PRKCB: variants seen among roughly 807,000 people sequenced by gnomAD.
The protein encoded by PRKCB is protein kinase C beta type.
A neutral mutation model predicts 81.5 loss-of-function variants in PRKCB; 13 were observed. The observed-to-expected ratio is 0.16, with a 90% CI of 0.10 to 0.25. The LOEUF is 0.25. Ranked by LOEUF, PRKCB falls within the 10% of genes least tolerant of loss-of-function variation. PRKCB has a pLI of 1.00. For synonymous variants in PRKCB, 335 were observed against 321.4 expected (o/e 1.04, Z -0.45); for missense variants, 509 against 875.7 (o/e 0.58, Z 5.29).
Position 24,060,932 on chromosome 16 carries a change from A to G in PRKCB, c.529+25385A>G, listed in dbSNP as rs76618036. 8.0e-3 allele frequency among the ~76,000 whole-genome samples: 1,211 copies of G among 152,258 alleles called. 21 individuals are homozygous for G. The highest frequency in any genetic ancestry group is 0.027 in the African/African-American group (1,133 of 41,556). On this transcript the variant is annotated intron_variant, in intron 5 of 16. Transcript: ENST00000643927. ...GATCAGTCTTTTTTCAGGGAACCCG[A>G]CTTAAGATGCCTTGTTTAATGTTTG...
intron 2 of PRKCB, among the ~76,000 whole-genome samples, chr16:23,847,364 CTATCTATCTATCTGTCCATCT>C (rs1962390027): frequency 9.0e-4 from 8 of 8,896 alleles, no homozygotes; most frequent in South Asian, 6.8e-3. Flanking sequence ...ATCTATCTAT[CTATCTATCTATCTGTCCATCT>C]ATCTATCTAT....
intron 9 of PRKCB, among the ~76,000 whole-genome samples, chr16:24,129,518 TGCA>T (rs1966849980): frequency 7.4e-6 from 1 of 135,152 alleles, no homozygotes; most frequent in African/African-American, 2.9e-5. Flanking sequence ...CTCATGCACG[TGCA>T]TCTATCTATC....
intron 5 of PRKCB, among the ~76,000 whole-genome samples, chr16:24,075,213 C>T (rs1453956929): frequency 6.6e-6 from 1 of 152,112 alleles, no homozygotes; most frequent in Non-Finnish European, 1.5e-5. Context: ...ATTCAGTGGC[C>T]TCATGTGGCT....
intron 3 of PRKCB, among the ~76,000 whole-genome samples, chr16:24,026,232 C>T (rs964272882): frequency 6.6e-6 from 1 of 152,170 alleles, no homozygotes; most frequent in Non-Finnish European, 1.5e-5. Context: ...GAGGCAGAGG[C>T]TGCGGTGAGC....
At chr16:24,128,888 C>T (rs142150874) in intron 9 of PRKCB, among the ~76,000 whole-genome samples, 14 of 152,038 alleles carry the variant, frequency 9.2e-5, no homozygotes, top group African/African-American at 2.4e-4. Flanking sequence ...GTTTTGCCAA[C>T]GTCTTTCAAG....
At chr16:23,944,910 G>T (rs901421723) in intron 2 of PRKCB, among the ~76,000 whole-genome samples, 2 of 152,188 alleles carry the variant, frequency 1.3e-5, no homozygotes, top group Non-Finnish European at 2.9e-5. Flanking sequence ...GCCTTTGCAG[G>T]CTGAGAAACA....
chr16:24,088,175 A>C (rs2560409), intron 5 of PRKCB, among the ~76,000 whole-genome samples: 58,477 of 152,056 alleles, frequency 0.38, 12,498 homozygotes, highest in Non-Finnish European at 0.49. Flanking sequence ...TTCAGGAGGG[A>C]CAGCCCTTTG....
At chr16:23,863,182 G>GTATA (rs1313923053) in intron 2 of PRKCB, among the ~76,000 whole-genome samples, 15 of 66,316 alleles carry the variant, frequency 2.3e-4, no homozygotes, top group African/African-American at 1.1e-3. Context: ...GTATATATGT[G>GTATA]TATACATACA....
intron 3 of PRKCB, among the ~76,000 whole-genome samples, chr16:24,007,115 T>A (rs568116543): frequency 1.5e-4 from 23 of 152,188 alleles, no homozygotes; most frequent in Admixed American, 5.2e-4. Context: ...TAGCTGATAA[T>A]CTTGGGCTAG....
chr16:23,940,458 A>G (rs1418826070), intron 2 of PRKCB, among the ~76,000 whole-genome samples: 1 of 152,070 alleles, frequency 6.6e-6, no homozygotes, highest in Non-Finnish European at 1.5e-5. Flanking sequence ...GAGTAAGAAT[A>G]TAGATGAGAA....
chr16:24,045,144 A>C (rs1268434032), intron 5 of PRKCB, among the ~76,000 whole-genome samples: 1 of 152,188 alleles, frequency 6.6e-6, no homozygotes, highest in Non-Finnish European at 1.5e-5. Context: ...ATCTCCAAAT[A>C]GGAAAAATGA....
chr16:23,836,761 T>A (rs1397406897), intron 1 of PRKCB, among the ~76,000 whole-genome samples: 1 of 87,630 alleles, frequency 1.1e-5, no homozygotes, highest in African/African-American at 4.4e-5. Context: ...CCCCCACCCC[T>A]TGTTTCCGGG....
chr16:23,836,755 C>A (rs947788589), intron 1 of PRKCB, among the ~76,000 whole-genome samples: 4 of 133,334 alleles, frequency 3.0e-5, no homozygotes, highest in Admixed American at 7.8e-5. Context: ...CCTCGCCCCC[C>A]ACCCCTTGTT....
At chr16:24,105,062 T>TTA (rs200062772) in intron 7 of PRKCB, among the ~76,000 whole-genome samples, 20 of 151,946 alleles carry the variant, frequency 1.3e-4, no homozygotes, top group Admixed American at 1.1e-3. Flanking sequence ...TGGATTTTTT[T>TTA]TTTTTTATTT....
intron 2 of PRKCB, among the ~76,000 whole-genome samples, chr16:23,908,784 C>T (rs1597240180): frequency 6.6e-6 from 1 of 152,170 alleles, no homozygotes; most frequent in African/African-American, 2.4e-5. Flanking sequence ...TCCCAAAGTG[C>T]TGGGATTACA....
intron 2 of PRKCB, among the ~76,000 whole-genome samples, chr16:23,875,317 G>T (rs1962976315): frequency 6.6e-6 from 1 of 151,890 alleles, no homozygotes; most frequent in African/African-American, 2.4e-5. Context: ...GGGATTACAA[G>T]CGTGAACCAC....
intron 5 of PRKCB, among the ~76,000 whole-genome samples, chr16:24,055,856 AAT>A (rs952979070): frequency 1.3e-5 from 2 of 152,088 alleles, no homozygotes; most frequent in African/African-American, 4.8e-5. Flanking sequence ...TCTCTCTCGA[AAT>A]ATAAATTTCC....
intron 2 of PRKCB, among the ~76,000 whole-genome samples, chr16:23,852,379 G>C (rs963592909): frequency 6.6e-6 from 1 of 151,924 alleles, no homozygotes; most frequent in Non-Finnish European, 1.5e-5. Flanking sequence ...ATGATCATAT[G>C]ATTTTTATCC....
At chr16:23,894,155 G>T (rs1254054936) in intron 2 of PRKCB, among the ~76,000 whole-genome samples, 1 of 152,214 alleles carries the variant, frequency 6.6e-6, no homozygotes, top group African/African-American at 2.4e-5. Context: ...AGTTAGAGTT[G>T]CAAGAGCAGC....
Sources: allele counts gnomAD v4.1 joint callset (sites outside exome capture counted in the v4.1 genomes callset), GRCh38; gene constraint gnomAD v4.1.1; transcripts MANE v1.5; gene names NCBI Gene and HGNC (gene_info 2026-07-23, HGNC 2026-07-21).